Variants in SH3D21 observed in about 807,000 individuals in gnomAD.
SH3D21 encodes the protein manchette microtubule inner protein 1, also known as SH3 domain-containing protein 21.
In SH3D21, 83 loss-of-function variants were observed where a neutral mutation model predicts 82.1. The ratio of observed to expected loss-of-function variants is 1.01; its 90% CI spans 0.85 to 1.21. The LOEUF (loss-of-function observed/expected upper bound fraction) is 1.21, where lower values mean the gene tolerates loss of function less well. Ranked by LOEUF, SH3D21 falls within the 50% of genes most tolerant of loss-of-function variation. The pLI is 0.00. For synonymous variants in SH3D21, 383 were observed against 387.8 expected, an observed-to-expected ratio of 0.99 and a Z score of 0.15; for missense variants, 980 against 962.1, an observed-to-expected ratio of 1.02 and a Z score of -0.25.
Position 36,307,798 on chromosome 1 carries a change from C to T in SH3D21, c.465C>T (p.Val155=). 6.4e-7 allele frequency: 1 copy of T among 1,551,828 alleles called. No homozygotes were observed. Among genetic ancestry groups the T allele is most frequent in the South Asian group, 1.2e-5 (1 of 84,042 alleles). Residue 155 remains valine, a synonymous_variant, in exon 6 of 16, where the codon GTC becomes GTT. Coordinates refer to ENST00000453908, the MANE Select transcript of SH3D21 (RefSeq NM_001162530.2). This position sits in a 1 kb window ranked among gnomAD's most constrained non-coding sequence, Gnocchi z 5.4. ...TTGGTAACCCAGACATGCCTTCAGTCAGCCCTGGTCCCCAGCGGCCTCCCA... is the reference window on the plus strand; with the variant it reads ...TTGGTAACCCAGACATGCCTTCAGTTAGCCCTGGTCCCCAGCGGCCTCCCA... ...PSLGNPDMPS[V]SPGPQRPPKL...
At chr1:36,309,628 C>G (rs1349968263) in intron 10 of SH3D21, 38 bp downstream of exon 10, 4 of 1,550,094 alleles carry the variant, frequency 2.6e-6, no homozygotes, top group Non-Finnish European at 2.6e-6. Flanking sequence ...GGGGTGTTCT[C>G]TGGGAGACCC....
chr1:36,306,964 C>A lies in SH3D21; in HGVS notation c.226+59C>A. ...CGGGTGCACGGAGCCAGTGCGACCCCGGCGTCTCCGGCTCTTAGTGACGGG... is the reference window on the plus strand; with the variant it reads ...CGGGTGCACGGAGCCAGTGCGACCCAGGCGTCTCCGGCTCTTAGTGACGGG... On this transcript the variant is annotated intron_variant, in intron 3 of 15. Transcript: ENST00000453908. This position sits in a 1 kb window ranked among gnomAD's most constrained non-coding sequence, Gnocchi z 4.5. 7.4e-7 allele frequency: 1 copy of A among 1,346,144 alleles called. No homozygotes were observed. The highest frequency in any genetic ancestry group is 1.5e-5 in the South Asian group (1 of 68,016). 83.4% of individuals were successfully genotyped at this position (1,346,144 alleles called of 1,614,324 possible). A position where few individuals can be genotyped will look rare whatever the true frequency, so the allele number is the denominator to read the frequency against.
rs925358206 is a variant in SH3D21, at chr1:36,320,929, A to C, written c.2150A>C (p.Asp717Ala). ...MEVQLERKLT[D>A]IWEELKSEKE... ...TCGGCCCGCAGGAGGAAGCTGACCG[A>C]CATCTGGGAGGAGCTGAAGAGCGAG... is the stretch of plus-strand genomic sequence containing the variant. Residue 717 changes from aspartate (D) to alanine (A), a missense_variant, in exon 15 of 16, where the codon GAC (aspartate) becomes GCC (alanine). By Grantham distance (126) the Asp-to-Ala change is moderately radical. Coordinates refer to ENST00000453908, the MANE Select transcript of SH3D21 (RefSeq NM_001162530.2). 13 of 1,565,660 alleles carry C rather than the reference A, an allele frequency of 8.3e-6. No homozygotes were observed. Among genetic ancestry groups the C allele is most frequent in the Non-Finnish European group, 7.8e-6 (9 of 1,155,276 alleles).
chr1:36,322,553 C>CTCGTCG, downstream of SH3D21: 1 of 1,596,368 alleles, frequency 6.3e-7, no homozygotes, highest in Non-Finnish European at 8.5e-7. Context: ...CCTCCTCGTC[C>CTCGTCG]TCGTCGTCGT....
chr1:36,326,222 C>A (rs1570418868), downstream of SH3D21, among the ~76,000 whole-genome samples: 1 of 46,258 alleles, frequency 2.2e-5, no homozygotes, highest in African/African-American at 4.4e-5. Flanking sequence ...TGAGCTTTTT[C>A]TTTCTTTCTT....
In SH3D21 at chr1:36,308,404, G is replaced by C; in HGVS notation, c.655G>C (p.Gly219Arg). ...TCTTTTCCAGACCACAGAGGATAAG[G>C]GCTGGTGGGAAGGAGAGTGTCAAGG... is the stretch of plus-strand genomic sequence containing the variant. ...KVLSKTTEDK[G>R]WWEGECQGRR... Residue 219 changes from glycine (G) to arginine (R), a missense_variant, in exon 9 of 16, where the codon GGC becomes CGC. Physicochemically the swap from Gly to Arg is moderately radical, Grantham distance 125. Coordinates refer to ENST00000453908, the MANE Select transcript of SH3D21 (RefSeq NM_001162530.2). 1 of 1,551,948 alleles carries C rather than the reference G, an allele frequency of 6.4e-7. No individual in the cohort carries two copies. The highest frequency in any genetic ancestry group is 8.7e-7 in the Non-Finnish European group (1 of 1,147,044).
downstream of SH3D21, among the ~76,000 whole-genome samples, chr1:36,326,193 G>T (rs2124711286): frequency 6.6e-6 from 1 of 151,976 alleles, no homozygotes; most frequent in South Asian, 2.1e-4. Context: ...CCCGTGCAGG[G>T]ACTCGATGGC....
Position 36,320,323 on chromosome 1 carries a change from C to A in SH3D21, c.1660C>A (p.Leu554Ile). Residue 554 changes from leucine to isoleucine, a missense_variant, in exon 14 of 16, where the codon CTA (leucine) becomes ATA (isoleucine). Physicochemically the swap from Leu to Ile is conservative, Grantham distance 5. Coordinates refer to ENST00000453908, the MANE Select transcript of SH3D21 (RefSeq NM_001162530.2). ...GTGCCTGGGAGAGATGAAATGTACC[C>A]TAGTTAGAGGGGACAGCTCCCCACG... is the stretch of plus-strand genomic sequence containing the variant. Reference protein sequence around the residue: ...ERCLGEMKCTLVRGDSSPRQA... With the variant: ...ERCLGEMKCTIVRGDSSPRQA... 6.2e-7 allele frequency: 1 copy of A among 1,613,068 alleles called. No individual in the cohort carries two copies. Among genetic ancestry groups the A allele is most frequent in the Non-Finnish European group, 8.5e-7 (1 of 1,179,942 alleles).
At chr1:36,310,831 T>C (rs1646224110) in intron 10 of SH3D21, among the ~76,000 whole-genome samples, 1 of 152,196 alleles carries the variant, frequency 6.6e-6, no homozygotes. Context: ...ATCACTAAAT[T>C]CATTTTTGTT....
chr1:36,309,505 T>A (rs1214178695), intron 9 of SH3D21, 43 bp from the exon 10 acceptor site: 6 of 1,549,524 alleles, frequency 3.9e-6, no homozygotes, highest in Non-Finnish European at 5.2e-6. Flanking sequence ...GATTTCTGAT[T>A]TTTAGATTAA....
chr1:36,322,217 G>C, downstream of SH3D21: 3 of 1,404,780 alleles, frequency 2.1e-6, no homozygotes, highest in South Asian at 1.5e-5. Flanking sequence ...GGCCGAGGCA[G>C]TCCGAAGGTG....
At chr1:36,317,616 C>A (rs368550244) in intron 10 of SH3D21, among the ~76,000 whole-genome samples, 23 of 152,184 alleles carry the variant, frequency 1.5e-4, no homozygotes, top group African/African-American at 4.3e-4. Flanking sequence ...AGGCTGGAGT[C>A]CAGTGGCGCG....
In SH3D21 at chr1:36,320,943, C is replaced by G. The variant is rs1479196880; in HGVS notation, c.2164C>G (p.Leu722Val). The G allele has an allele frequency of 1.9e-6, 3 of 1,568,386 alleles. No homozygotes were observed. Among genetic ancestry groups the G allele is most frequent in the Non-Finnish European group, 2.6e-6 (3 of 1,156,736 alleles). ...ERKLTDIWEELKSEKEQRRRL... is the reference protein window; with the variant it reads ...ERKLTDIWEEVKSEKEQRRRL... ...GAAGCTGACCGACATCTGGGAGGAG[C>G]TGAAGAGCGAGAAGGAGCAGCGCCG... Residue 722 changes from leucine (L) to valine (V), a missense_variant, in exon 15 of 16, where the codon CTG (leucine) becomes GTG (valine). By Grantham distance (32) the Leu-to-Val change is conservative. Transcript: ENST00000453908.
chr1:36,321,461 G>A, downstream of SH3D21: 1 of 1,054,424 alleles, frequency 9.5e-7, no homozygotes, highest in Non-Finnish European at 1.2e-6. This position sits in a 1 kb window ranked among gnomAD's most constrained non-coding sequence, Gnocchi z 6.1. Flanking sequence ...GGGCCCAGGC[G>A]GGGTCGGGCT....
chr1:36,322,009 G>A (rs1329811022), downstream of SH3D21: 13 of 1,244,838 alleles, frequency 1.0e-5, no homozygotes, highest in Non-Finnish European at 1.2e-5. Flanking sequence ...GGGGGCAGGA[G>A]TAACAGAGGG....
At position 36,321,007 on chromosome 1, in the gene SH3D21, C is replaced by T; in HGVS notation, c.2199+29C>T. The T allele has an allele frequency of 1.9e-6, 3 of 1,576,780 alleles. No individual in the cohort carries two copies. Among genetic ancestry groups the T allele is most frequent in the Admixed American group, 1.9e-5 (1 of 53,960 alleles). On this transcript the variant is annotated intron_variant, in intron 15 of 15. Transcript: ENST00000453908. This position sits in a 1 kb window ranked among gnomAD's most constrained non-coding sequence, Gnocchi z 6.1. ...AGGCGCGGGTCCCGGCGGGAGGGGG[C>T]TGACGGCGAGTGGCCCCCTGACAAA...
At position 36,308,458 on chromosome 1, in the gene SH3D21, G is replaced by A. The variant is rs1036656704; in HGVS notation, c.709G>A (p.Val237Ile). 2 of 1,551,708 alleles carry A rather than the reference G, an allele frequency of 1.3e-6. No individual in the cohort carries two copies. The highest frequency in any genetic ancestry group is 1.4e-5 in the African/African-American group (1 of 73,108). ...AAGAGGAGTTTTTCCAGACAACTTT[G>A]TACTCCCACCACCCCCAGTGAGTAC... ...GRRGVFPDNF[V>I]LPPPPIKKLV... is the part of the protein sequence containing the mutation. Residue 237 changes from valine to isoleucine, a missense_variant, in exon 9 of 16, where the codon GTA becomes ATA. Transcript: ENST00000453908.
chr1:36,306,915 A>T lies in SH3D21; in HGVS notation c.226+10A>T. The T allele has an allele frequency of 9.1e-6, 12 of 1,324,398 alleles. No individual in the cohort carries two copies. Among genetic ancestry groups the T allele is most frequent in the Non-Finnish European group, 1.2e-5 (12 of 1,014,792 alleles). 82.0% of individuals were successfully genotyped at this position (1,324,398 alleles called of 1,614,324 possible). The stretch of plus-strand genomic sequence containing the variant: ...TGTGCGCGCCGCCGAGGTGAGCGCA[A>T]GGGCGGGGACGGGCGCCGGTGGGCG... On this transcript the variant is annotated intron_variant, in intron 3 of 15. Coordinates refer to ENST00000453908, the MANE Select transcript of SH3D21 (RefSeq NM_001162530.2). This position sits in a 1 kb window ranked among gnomAD's most constrained non-coding sequence, Gnocchi z 4.5.
intron 10 of SH3D21, among the ~76,000 whole-genome samples, chr1:36,316,924 G>A (rs896296234): frequency 2.0e-5 from 3 of 152,064 alleles, no homozygotes; most frequent in East Asian, 1.9e-4. Flanking sequence ...GATTACAGGC[G>A]TGAGCCACTG....
Sources: allele counts gnomAD v4.1 joint callset (sites outside exome capture counted in the v4.1 genomes callset), GRCh38; gene constraint gnomAD v4.1.1; non-coding constraint Gnocchi (gnomAD v3.1); transcripts MANE v1.5; gene names NCBI Gene and HGNC (gene_info 2026-07-23, HGNC 2026-07-21).